RALY: variants seen among roughly 807,000 people sequenced by gnomAD.
RALY encodes RALY heterogeneous nuclear ribonucleoprotein, also known as RNA-binding protein Raly.
RALY carries 15 observed loss-of-function variants against 30.7 expected under a neutral mutation model. That is an observed-to-expected ratio of 0.49 (90% CI 0.33 to 0.75). The LOEUF is 0.75. Among genes scored for constraint, RALY ranks in the 30% least tolerant of loss-of-function variants. The pLI is 0.02. For missense variants in RALY, 339 were observed against 414.3 expected, an observed-to-expected ratio of 0.82 and a Z score of 1.58; for synonymous variants, 177 against 170.8, an observed-to-expected ratio of 1.04 and a Z score of -0.28.
At chr20:34,070,079 T>C (rs112020363) in intron 2 of RALY, among the ~76,000 whole-genome samples, 6 of 151,266 alleles carry the variant, frequency 4.0e-5, no homozygotes, top group Admixed American at 3.9e-4. Flanking sequence ...AGAAAAAGAG[T>C]CTCTTATCCC....
Position 34,077,107 on chromosome 20 carries a change from T to TGGC in RALY, c.741_743dup (p.Gly251dup), listed in dbSNP as rs1568700984. The TGGC allele has an allele frequency of 3.8e-6, 6 of 1,597,354 alleles. No individual in the cohort carries two copies. The Admixed American group carries it at 6.8e-5, about 18-fold the overall frequency. On this transcript the variant is annotated inframe_insertion, in exon 8 of 10. Coordinates refer to ENST00000246194, the MANE Select transcript of RALY (RefSeq NM_016732.3). Reference sequence around the variant, plus strand: ...GCAGCGGTGGCGGTGGCAGTGGTGGTGGCGGTGGCGGTGGCAGCAGCCGGC... The same window carrying TGGC: ...GCAGCGGTGGCGGTGGCAGTGGTGGTGGCGGCGGTGGCGGTGGCAGCAGCCGGC...
chr20:34,037,594 A>G (rs2032544834), intron 2 of RALY, among the ~76,000 whole-genome samples: 1 of 152,118 alleles, frequency 6.6e-6, no homozygotes, highest in African/African-American at 2.4e-5. Context: ...CTGGTGACTT[A>G]CTTGTGGCCT....
At chr20:34,047,806 C>T (rs1025215091) in intron 2 of RALY, among the ~76,000 whole-genome samples, 1 of 152,118 alleles carries the variant, frequency 6.6e-6, no homozygotes, top group Non-Finnish European at 1.5e-5. Flanking sequence ...GGGTGAGTAG[C>T]CTGGTGATCT....
intron 2 of RALY, among the ~76,000 whole-genome samples, chr20:34,056,266 C>T (rs1218420616): frequency 6.6e-6 from 1 of 152,202 alleles, no homozygotes; most frequent in Non-Finnish European, 1.5e-5. Context: ...CTTAAATGTA[C>T]TCTCTTACCT....
At chr20:34,018,117 G>T (rs930468692) in intron 1 of RALY, among the ~76,000 whole-genome samples, 1 of 152,240 alleles carries the variant, frequency 6.6e-6, no homozygotes, top group Non-Finnish European at 1.5e-5. Flanking sequence ...CTGGTAAAGG[G>T]GTGGGCATTA....
chr20:34,078,710 C>T (rs1378176488), intron 9 of RALY, among the ~76,000 whole-genome samples, 157 bp downstream of exon 9: 1 of 152,106 alleles, frequency 6.6e-6, no homozygotes, highest in Non-Finnish European at 1.5e-5. Flanking sequence ...CTAGCCATCC[C>T]GTCACACCCC....
At chr20:34,068,944 A>G (rs1230498937) in intron 2 of RALY, among the ~76,000 whole-genome samples, 1 of 152,148 alleles carries the variant, frequency 6.6e-6, no homozygotes, top group Non-Finnish European at 1.5e-5. Context: ...ATGAAAGTGG[A>G]TAGGGGGCTG....
intron 1 of RALY, among the ~76,000 whole-genome samples, chr20:34,029,060 G>T (rs1331065643): frequency 6.6e-6 from 1 of 152,158 alleles, no homozygotes; most frequent in Non-Finnish European, 1.5e-5. Context: ...GTGAAACAGA[G>T]ACCAGGGAAG....
At chr20:34,067,102 C>G (rs2033594888) in intron 2 of RALY, among the ~76,000 whole-genome samples, 1 of 152,196 alleles carries the variant, frequency 6.6e-6, no homozygotes, top group Admixed American at 6.5e-5. Context: ...GAACCTATCT[C>G]AGTTTCCCTA....
At chr20:34,013,440 A>G (rs2031491360) in intron 1 of RALY, among the ~76,000 whole-genome samples, 1 of 147,914 alleles carries the variant, frequency 6.8e-6, no homozygotes, top group African/African-American at 2.5e-5. Context: ...AAAAAAAGGC[A>G]TTTCGACTTA....
In RALY at chr20:34,014,137, CAT is replaced by C. The variant is rs1369904960; in HGVS notation, c.-92-17384_-92-17383del. On this transcript the variant is annotated intron_variant, in intron 1 of 9. Transcript: ENST00000246194. ...TGCATGCTGGACATGCCTCAGAACACATGAGTAGCCCGTACTAGATCTTGGGA... is the reference window on the plus strand; with the variant it reads ...TGCATGCTGGACATGCCTCAGAACACGAGTAGCCCGTACTAGATCTTGGGA... 3.3e-5 allele frequency among the ~76,000 whole-genome samples: 5 copies of C among 152,176 alleles called. No homozygotes were observed. In the East Asian group the frequency reaches 5.8e-4, roughly 18 times the overall value.
At chr20:34,039,955 A>G (rs1327820013) in intron 2 of RALY, among the ~76,000 whole-genome samples, 1 of 152,138 alleles carries the variant, frequency 6.6e-6, no homozygotes, top group Non-Finnish European at 1.5e-5. Flanking sequence ...TACTAAAAAT[A>G]CAAAAATTAG....
chr20:34,003,535 G>A (rs1414863700), intron 1 of RALY, among the ~76,000 whole-genome samples: 1 of 152,018 alleles, frequency 6.6e-6, no homozygotes, highest in African/African-American at 2.4e-5. Context: ...AAAGACTGGA[G>A]GTGAACTGTT....
chr20:34,023,617 G>T (rs899953121), intron 1 of RALY, among the ~76,000 whole-genome samples: 1 of 152,100 alleles, frequency 6.6e-6, no homozygotes, highest in African/African-American at 2.4e-5. Flanking sequence ...GACTAAGGCA[G>T]GGGCTCTCAT....
In RALY at chr20:33,997,864, C is replaced by T. The variant is rs2030714606; in HGVS notation, c.-93+3733C>T. ...GTCTCAGAGATGGTTAATAGGGTAA[C>T]AAACACATGATCATGTGTCTGGTCA... On this transcript the variant is annotated intron_variant, in intron 1 of 9. Coordinates refer to ENST00000246194, the MANE Select transcript of RALY (RefSeq NM_016732.3). Among the ~76,000 whole-genome samples the T allele has an allele frequency of 2.6e-5, 4 of 152,236 alleles. 1 individual carries two copies. The South Asian group carries it at 8.3e-4, about 32-fold the overall frequency.
In RALY at chr20:34,070,417, G is replaced by T. The variant is rs942046318; in HGVS notation, c.-9-1649G>T. On this transcript the variant is annotated intron_variant, in intron 2 of 9. Coordinates refer to ENST00000246194, the MANE Select transcript of RALY (RefSeq NM_016732.3). ...GCCGTAAACTGTACGGGAAAAATTT[G>T]TACAGCCCTTTGGGGTAAAAGACCT... Among the ~76,000 whole-genome samples, 31 of 152,132 alleles carry T rather than the reference G, an allele frequency of 2.0e-4. 1 individual carries two copies. Among genetic ancestry groups the T allele is most frequent in the Non-Finnish European group, 1.5e-5 (1 of 68,042 alleles).
At chr20:34,057,894 T>C (rs191485116) in intron 2 of RALY, among the ~76,000 whole-genome samples, 1 of 152,160 alleles carries the variant, frequency 6.6e-6, no homozygotes, top group Non-Finnish European at 1.5e-5. Context: ...TCATGGAGTT[T>C]AATGAGATGT....
intron 1 of RALY, among the ~76,000 whole-genome samples, chr20:34,019,440 T>C (rs887955787): frequency 1.3e-5 from 2 of 152,180 alleles, no homozygotes; most frequent in African/African-American, 4.8e-5. Context: ...CTTTAAGTGG[T>C]TACCTGGCCA....
chr20:34,021,411 G>A (rs2031816601), intron 1 of RALY, among the ~76,000 whole-genome samples: 1 of 152,174 alleles, frequency 6.6e-6, no homozygotes, highest in Non-Finnish European at 1.5e-5. Flanking sequence ...TGAGGGCCAC[G>A]TTGCTGCATA....
Sources: gnomAD v4.1 joint callset for allele counts (sites outside exome capture counted in the v4.1 genomes callset) on GRCh38, gnomAD v4.1.1 for gene constraint, MANE v1.5 for transcripts, NCBI Gene and HGNC (gene_info 2026-07-23, HGNC 2026-07-21) for gene names.